DNER: variants seen among roughly 807,000 people sequenced by gnomAD.
The protein encoded by DNER is delta/notch like EGF repeat containing.
DNER carries 33 observed loss-of-function variants against 78.2 expected under a neutral mutation model. That is an observed-to-expected ratio of 0.42 (90% CI 0.32 to 0.56). DNER has a LOEUF of 0.56. Ranked by LOEUF, DNER falls within the 20% of genes least tolerant of loss-of-function variation. The pLI is 0.11. For synonymous variants in DNER, 417 were observed against 384.8 expected (o/e 1.08, Z -0.98); for missense variants, 918 against 975.3 (o/e 0.94, Z 0.78).
intron 8 of DNER, among the ~76,000 whole-genome samples, chr2:229,423,232 A>C (rs1256950409): frequency 6.6e-6 from 1 of 152,194 alleles, no homozygotes; most frequent in Non-Finnish European, 1.5e-5. Flanking sequence ...GGACTGTTCC[A>C]CTGGACCCTC....
chr2:229,376,643 T>C (rs982005040), intron 11 of DNER, among the ~76,000 whole-genome samples: 1 of 152,182 alleles, frequency 6.6e-6, no homozygotes, highest in African/African-American at 2.4e-5. Flanking sequence ...CATAAGGTAG[T>C]GTGGGTGCAC....
chr2:229,597,226 G>T (rs1410820031), intron 1 of DNER, among the ~76,000 whole-genome samples: 1 of 152,140 alleles, frequency 6.6e-6, no homozygotes, highest in Admixed American at 6.5e-5. Context: ...TATATTAGTT[G>T]TTTCATTAAC....
chr2:229,472,347 G>T (rs1694941203), intron 7 of DNER, among the ~76,000 whole-genome samples: 1 of 152,146 alleles, frequency 6.6e-6, no homozygotes, highest in East Asian at 1.9e-4. Flanking sequence ...CTCCAGAAGG[G>T]GATGGTCATG....
At chr2:229,526,315 G>A (rs780479158) in intron 5 of DNER, among the ~76,000 whole-genome samples, 1 of 152,196 alleles carries the variant, frequency 6.6e-6, no homozygotes, top group East Asian at 1.9e-4. Flanking sequence ...CCTCTCAAAA[G>A]TGCCTGGGTT....
chr2:229,435,831 T>C (rs978235722), intron 8 of DNER, among the ~76,000 whole-genome samples: 8 of 152,188 alleles, frequency 5.3e-5, no homozygotes, highest in African/African-American at 1.9e-4. Flanking sequence ...CTTTAGGCAA[T>C]TCCTATAAAA....
chr2:229,467,995 G>A (rs1229921738), intron 7 of DNER, among the ~76,000 whole-genome samples: 3 of 152,224 alleles, frequency 2.0e-5, no homozygotes, highest in African/African-American at 7.2e-5. Context: ...AGCCGTGACA[G>A]TGGCACAGGG....
intron 1 of DNER, among the ~76,000 whole-genome samples, chr2:229,603,573 C>G (rs988847862): frequency 4.6e-5 from 7 of 152,140 alleles, no homozygotes; most frequent in Admixed American, 2.6e-4. Context: ...AGAATATAAA[C>G]AGCAAAAGTG....
At chr2:229,611,602 A>G (rs1698049675) in intron 1 of DNER, among the ~76,000 whole-genome samples, 1 of 152,214 alleles carries the variant, frequency 6.6e-6, no homozygotes, top group Non-Finnish European at 1.5e-5. Context: ...ATTGATTGAA[A>G]TCAACTAGGT....
At chr2:229,378,775 G>A (rs1467482517) in intron 11 of DNER, among the ~76,000 whole-genome samples, 1 of 152,192 alleles carries the variant, frequency 6.6e-6, no homozygotes, top group Non-Finnish European at 1.5e-5. Context: ...GGCTCACGCA[G>A]GACTAGAGGC....
chr2:229,510,589 G>A (rs1398370300), intron 6 of DNER, among the ~76,000 whole-genome samples: 1 of 152,156 alleles, frequency 6.6e-6, no homozygotes, highest in Non-Finnish European at 1.5e-5. Flanking sequence ...GAGAGAGGGA[G>A]AGGGAGGCAC....
intron 8 of DNER, among the ~76,000 whole-genome samples, chr2:229,433,541 T>A (rs1282998225): frequency 6.6e-6 from 1 of 152,212 alleles, no homozygotes; most frequent in Non-Finnish European, 1.5e-5. Context: ...GTGTTCTAGT[T>A]CCTCACTGTA....
intron 4 of DNER, among the ~76,000 whole-genome samples, chr2:229,557,554 G>T (rs560973732): frequency 6.6e-6 from 1 of 152,056 alleles, no homozygotes; most frequent in African/African-American, 2.4e-5. Flanking sequence ...CACATAGGAG[G>T]CAATGAAGGT....
At chr2:229,642,156 T>C (rs1234254705) in intron 1 of DNER, among the ~76,000 whole-genome samples, 1 of 152,242 alleles carries the variant, frequency 6.6e-6, no homozygotes, top group African/African-American at 2.4e-5. Context: ...TGTCTTTAAA[T>C]TGATTTTCCT....
Position 229,406,770 on chromosome 2 carries a change from G to A in DNER, c.1723+462C>T, listed in dbSNP as rs963672376. Among the ~76,000 whole-genome samples the A allele has an allele frequency of 3.0e-3, 463 of 152,112 alleles. 6 individuals are homozygous for A. Among genetic ancestry groups the A allele is most frequent in the African/African-American group, 0.01 (429 of 41,524 alleles). ...TTCAGTGGCCACCAAGATTTCTGGA[G>A]AAGCCAGTCCTGCCCCGCCAATCTC... On this transcript the variant is annotated intron_variant, in intron 10 of 12. Transcript: ENST00000341772.
Position 229,588,483 on chromosome 2 carries a change from G to A in DNER, c.591C>T (p.Ile197=). The part of the protein sequence containing the change: ...VEMKWDQVEV[I]PDIACGNASS... Reference sequence around the variant, plus strand: ...TGGCATTCCCACAGGCAATATCTGGGATCACCTGGGAAGGGAAAAAAAAAA... The same window carrying A: ...TGGCATTCCCACAGGCAATATCTGGAATCACCTGGGAAGGGAAAAAAAAAA... Residue 197 remains isoleucine, a synonymous_variant, in exon 3 of 13, where the codon ATC becomes ATT. Coordinates refer to ENST00000341772, the MANE Select transcript of DNER (RefSeq NM_139072.4). 2.0e-6 allele frequency: 3 copies of A among 1,489,348 alleles called. No individual in the cohort carries two copies. Among genetic ancestry groups the A allele is most frequent in the Non-Finnish European group, 2.7e-6 (3 of 1,106,028 alleles). 92.3% of individuals were successfully genotyped at this position (1,489,348 alleles called of 1,614,324 possible). A position where few individuals can be genotyped will look rare whatever the true frequency, so the allele number is the denominator to read the frequency against.
chr2:229,643,633 C>T (rs1698665961), intron 1 of DNER, among the ~76,000 whole-genome samples: 2 of 152,160 alleles, frequency 1.3e-5, no homozygotes, highest in South Asian at 4.1e-4. Flanking sequence ...AGATGATGAT[C>T]ATGATAGTAA....
rs75731713 is a variant in DNER, at chr2:229,497,703, G to T, written c.1147+15080C>A. The stretch of plus-strand genomic sequence containing the variant: ...TAACCAGTAATACACCAACAAATTG[G>T]ATAACCAAGAACAAATGCATAAATT... On this transcript the variant is annotated intron_variant, in intron 6 of 12. Transcript: ENST00000341772. Among the ~76,000 whole-genome samples, 101 of 151,536 alleles carry T rather than the reference G, an allele frequency of 6.7e-4. No homozygotes were observed. The East Asian group carries it at 0.019, about 28-fold the overall frequency.
At chr2:229,615,698 C>A (rs565275355) in intron 1 of DNER, among the ~76,000 whole-genome samples, 164 of 151,956 alleles carry the variant, frequency 1.1e-3, no homozygotes, top group African/African-American at 3.0e-3. Flanking sequence ...GGCAACAAAG[C>A]AAGACTCTGT....
intron 1 of DNER, among the ~76,000 whole-genome samples, chr2:229,594,992 T>TAA (rs1697683843): frequency 7.5e-6 from 1 of 133,768 alleles, no homozygotes; most frequent in Non-Finnish European, 1.6e-5. Flanking sequence ...AAAAAAACTC[T>TAA]AAATCTGTCC....
Sources: gnomAD v4.1 joint callset for allele counts (sites outside exome capture counted in the v4.1 genomes callset) on GRCh38, gnomAD v4.1.1 for gene constraint, MANE v1.5 for transcripts, NCBI Gene and HGNC (gene_info 2026-07-23, HGNC 2026-07-21) for gene names.